Variants in KALRN observed in about 807,000 individuals in gnomAD.
KALRN encodes the protein kalirin.
In KALRN, 70 loss-of-function variants were observed where a neutral mutation model predicts 353.7. The observed-to-expected ratio is 0.20, with a 90% confidence interval of 0.16 to 0.24. KALRN has a LOEUF of 0.24. KALRN is among the 10% of genes least tolerant of loss of function. The pLI is 1.00. For synonymous variants in KALRN, 1,391 were observed against 1,434.8 expected, an observed-to-expected ratio of 0.97 and a Z score of 0.69; for missense variants, 2,791 against 3,756.7, an observed-to-expected ratio of 0.74 and a Z score of 6.72.
chr3:124,621,066 C>T (rs2149685034), intron 34 of KALRN, among the ~76,000 whole-genome samples: 1 of 152,304 alleles, frequency 6.6e-6, no homozygotes, highest in Non-Finnish European at 1.5e-5. Context: ...TGGAGATTGC[C>T]TGTTGGAAAT....
At chr3:124,345,038 T>C (rs894448819) in intron 9 of KALRN, among the ~76,000 whole-genome samples, 19 of 152,046 alleles carry the variant, frequency 1.2e-4, no homozygotes, top group Non-Finnish European at 5.9e-5. Flanking sequence ...AAGCTAGAGA[T>C]AAAAAATGAG....
intron 1 of KALRN, among the ~76,000 whole-genome samples, chr3:124,199,749 A>G (rs2075788804): frequency 6.6e-6 from 1 of 152,210 alleles, no homozygotes; most frequent in African/African-American, 2.4e-5. Flanking sequence ...CTGTACAGCA[A>G]CACACATCAG....
intron 25 of KALRN, 67 bp from the exon 26 acceptor site, chr3:124,474,596 T>C: frequency 8.1e-7 from 1 of 1,242,172 alleles, no homozygotes; most frequent in Non-Finnish European, 1.2e-6. Context: ...TGTGCTGGCC[T>C]CAGTGCAATC....
intron 33 of KALRN, among the ~76,000 whole-genome samples, chr3:124,550,659 C>T (rs2109550228): frequency 6.6e-6 from 1 of 152,184 alleles, no homozygotes; most frequent in East Asian, 1.9e-4. Flanking sequence ...TCTGCCTTTA[C>T]TCTTTTTGTC....
chr3:124,505,352 G>A (rs539581047), intron 33 of KALRN, among the ~76,000 whole-genome samples: 32 of 152,270 alleles, frequency 2.1e-4, no homozygotes, highest in African/African-American at 7.2e-4. Context: ...AGAAGGAGTT[G>A]GGCATGGTGG....
intron 34 of KALRN, among the ~76,000 whole-genome samples, chr3:124,621,230 G>A (rs544369311): frequency 1.2e-4 from 19 of 152,212 alleles, no homozygotes; most frequent in Non-Finnish European, 2.8e-4. Flanking sequence ...AAAGAAGGGG[G>A]ACAATAACTA....
At chr3:124,320,280 G>C (rs535959474) in intron 6 of KALRN, among the ~76,000 whole-genome samples, 4 of 152,286 alleles carry the variant, frequency 2.6e-5, no homozygotes, top group African/African-American at 9.6e-5. Context: ...CCCCGAAGTG[G>C]TGGTTATACC....
In KALRN at chr3:124,413,530, A is replaced by T. The variant is rs777064745; in HGVS notation, c.2407A>T (p.Thr803Ser). ...GCTTCGGCAGATGAATGACTTCAACACAGAGGACCTAACCCTGGCAGAACA... is the reference window on the plus strand; with the variant it reads ...GCTTCGGCAGATGAATGACTTCAACTCAGAGGACCTAACCCTGGCAGAACA... ...DLLRQMNDFN[T>S]EDLTLAEQRL... is the part of the protein sequence containing the mutation. The change falls in exon 14 of 60, where the codon ACA becomes TCA. Residue 803 changes from threonine to serine, a missense_variant. This residue lies in a region of KALRN where 452 missense variants were observed against 575.8 expected (regional missense o/e 0.78). Coordinates refer to ENST00000682506, the MANE Select transcript of KALRN (RefSeq NM_001388419.1). 2 of 1,614,182 alleles carry T rather than the reference A, an allele frequency of 1.2e-6. No individual in the cohort carries two copies. The highest frequency in any genetic ancestry group is 1.1e-5 in the South Asian group (1 of 91,078).
Position 124,633,930 on chromosome 3 carries a change from A to C in KALRN, c.5545A>C (p.Asn1849His). ...PLPPPMKIFD[N>H]DPTQDEMSSS... ...CCCACCACCTATGAAGATTTTTGACAACGACCCTACACAGGATGAAATGGT... is the reference window on the plus strand; with the variant it reads ...CCCACCACCTATGAAGATTTTTGACCACGACCCTACACAGGATGAAATGGT... The change falls in exon 36 of 60, where the codon AAC becomes CAC. Residue 1849 changes from asparagine to histidine, a missense_variant. Physicochemically the swap from Asn to His is moderately conservative, Grantham distance 68. Coordinates refer to ENST00000682506, the MANE Select transcript of KALRN (RefSeq NM_001388419.1). 1 of 1,613,984 alleles carries C rather than the reference A, an allele frequency of 6.2e-7. No homozygotes were observed. Among genetic ancestry groups the C allele is most frequent in the Non-Finnish European group, 8.5e-7 (1 of 1,179,918 alleles).
rs759086817 is a variant in KALRN at position 124,295,196 on chromosome 3, C to A, written c.970-3595C>A. Reference sequence around the variant, plus strand: ...GATTTGTGATTGTCCCTTAGGAAACCTTGGTTCCTGACATCACATGAGACC... The same window carrying A: ...GATTTGTGATTGTCCCTTAGGAAACATTGGTTCCTGACATCACATGAGACC... On this transcript the variant is annotated intron_variant, in intron 5 of 59. Coordinates refer to ENST00000682506, the MANE Select transcript of KALRN (RefSeq NM_001388419.1). Among the ~76,000 whole-genome samples, 45 of 152,196 alleles carry A rather than the reference C, an allele frequency of 3.0e-4. 1 individual carries two copies. Among genetic ancestry groups the A allele is most frequent in the Non-Finnish European group, 5.6e-4 (38 of 68,040 alleles).
intron 1 of KALRN, among the ~76,000 whole-genome samples, chr3:124,204,474 G>T (rs1361318360): frequency 6.6e-6 from 1 of 152,208 alleles, no homozygotes; most frequent in African/African-American, 2.4e-5. Context: ...AGAAATGAAT[G>T]CAGGCTTACT....
intron 1 of KALRN, among the ~76,000 whole-genome samples, chr3:124,202,219 G>A (rs893763595): frequency 9.9e-5 from 15 of 152,186 alleles, no homozygotes; most frequent in African/African-American, 3.6e-4. Flanking sequence ...TCTTTGTGTA[G>A]AGAAGTGGCA....
chr3:124,678,540 T>C (rs531871092), intron 50 of KALRN: 1 of 420,364 alleles, frequency 2.4e-6, no homozygotes, highest in Non-Finnish European at 4.4e-6. Flanking sequence ...CTTTTATACC[T>C]TTCTCTTTAT....
At position 124,439,050 on chromosome 3, in the gene KALRN, T is replaced by C. The variant is rs1375731136; in HGVS notation, c.3198+13T>C. On this transcript the variant is annotated intron_variant, in intron 18 of 59. Coordinates refer to ENST00000682506, the MANE Select transcript of KALRN (RefSeq NM_001388419.1). ...GGCCTTTCTTAAGGTCAGAGCACAT[T>C]GTCATGCAAGGGCTCAGACTCCTGG... 1 of 1,612,990 alleles carries C rather than the reference T, an allele frequency of 6.2e-7. No homozygotes were observed. The highest frequency in any genetic ancestry group is 1.1e-5 in the South Asian group (1 of 90,980).
At chr3:124,588,767 A>G (rs374302059) in intron 34 of KALRN, among the ~76,000 whole-genome samples, 4 of 152,328 alleles carry the variant, frequency 2.6e-5, no homozygotes, top group East Asian at 3.9e-4. Context: ...AGCTTTAGGT[A>G]TGTGGACAAA....
At chr3:124,583,147 C>T (rs1344868749) in intron 34 of KALRN, among the ~76,000 whole-genome samples, 2 of 152,128 alleles carry the variant, frequency 1.3e-5, no homozygotes, top group African/African-American at 4.8e-5. Context: ...AGCCCCAAAT[C>T]CTGGTAACTT....
chr3:124,627,891 CCT>C (rs1183709115), intron 34 of KALRN, among the ~76,000 whole-genome samples: 2 of 152,168 alleles, frequency 1.3e-5, no homozygotes, highest in African/African-American at 4.8e-5. Flanking sequence ...CCTAATATTC[CCT>C]GAGTATAGCA....
chr3:124,636,092 T>C (rs1373076770), intron 36 of KALRN, among the ~76,000 whole-genome samples: 1 of 152,148 alleles, frequency 6.6e-6, no homozygotes, highest in African/African-American at 2.4e-5. Context: ...AAAAGAATAT[T>C]GTTATATCTT....
At chr3:124,326,240 A>G (rs976051693) in intron 7 of KALRN, 69 bp downstream of exon 7, 1 of 1,336,954 alleles carries the variant, frequency 7.5e-7, no homozygotes, top group Non-Finnish European at 1.0e-6. Context: ...GGAGGGCTGG[A>G]TGGGAGCACA....
Sources: gnomAD v4.1 joint callset for allele counts (sites outside exome capture counted in the v4.1 genomes callset) on GRCh38, gnomAD v4.1.1 for gene constraint, gnomAD v4.1.1 regional missense constraint, MANE v1.5 for transcripts, NCBI Gene and HGNC (gene_info 2026-07-23, HGNC 2026-07-21) for gene names.